Variants in ADAMTSL1 observed in about 807,000 individuals in gnomAD.
ADAMTSL1 encodes ADAMTS like 1.
A neutral mutation model predicts 201.8 loss-of-function variants in ADAMTSL1; 126 were observed. The observed-to-expected ratio is 0.62, with a 90% confidence interval of 0.54 to 0.72. ADAMTSL1 has a LOEUF of 0.72. Among genes scored for constraint, ADAMTSL1 ranks in the 30% least tolerant of loss-of-function variants. The probability of loss-of-function intolerance (pLI) is 0.00; values close to 1 mark genes in which losing one functional copy is unlikely to be tolerated. For missense variants in ADAMTSL1, 2,679 were observed against 2,277.8 expected, an observed-to-expected ratio of 1.18 and a Z score of -3.59; for synonymous variants, 1,121 against 903.4, an observed-to-expected ratio of 1.24 and a Z score of -4.32.
chr9:18,341,627 A>G (rs937593188), intron 2 of ADAMTSL1, among the ~76,000 whole-genome samples: 2 of 152,160 alleles, frequency 1.3e-5, no homozygotes, highest in Non-Finnish European at 2.9e-5. Flanking sequence ...AGTATTTAAT[A>G]AGTATTTAGT....
chr9:18,042,495 A>G (rs181270849), intron 1 of ADAMTSL1, among the ~76,000 whole-genome samples: 18 of 152,256 alleles, frequency 1.2e-4, no homozygotes, highest in Non-Finnish European at 1.9e-4. Context: ...TGAGAAGTCA[A>G]GTAACTTGTC....
intron 2 of ADAMTSL1, among the ~76,000 whole-genome samples, chr9:18,178,211 T>C (rs1052179063): frequency 5.9e-5 from 9 of 152,160 alleles, no homozygotes; most frequent in East Asian, 3.9e-4. Context: ...TTGCCTCACT[T>C]GGGAAGCACA....
At chr9:18,837,418 G>C (rs961847497) in intron 23 of ADAMTSL1, among the ~76,000 whole-genome samples, 1 of 152,114 alleles carries the variant, frequency 6.6e-6, no homozygotes, top group African/African-American at 2.4e-5. Context: ...ATATACGTGG[G>C]TATATTTCTA....
At chr9:18,058,892 C>T (rs894561217) in intron 1 of ADAMTSL1, among the ~76,000 whole-genome samples, 2 of 152,188 alleles carry the variant, frequency 1.3e-5, no homozygotes, top group Non-Finnish European at 2.9e-5. Flanking sequence ...ACTGCTCTGC[C>T]AGTCCCACAT....
intron 19 of ADAMTSL1, among the ~76,000 whole-genome samples, chr9:18,783,053 C>G (rs756538057): frequency 6.6e-6 from 1 of 152,270 alleles, no homozygotes; most frequent in East Asian, 1.9e-4. Context: ...TTCACATGGG[C>G]TAACTTGTGG....
At chr9:18,167,802 A>G (rs553263433) in intron 2 of ADAMTSL1, among the ~76,000 whole-genome samples, 1 of 152,134 alleles carries the variant, frequency 6.6e-6, no homozygotes, top group East Asian at 1.9e-4. Context: ...AATTTGCTTA[A>G]TTATATTTCT....
At chr9:18,634,047 C>T (rs893521124) in intron 5 of ADAMTSL1, among the ~76,000 whole-genome samples, 3 of 152,104 alleles carry the variant, frequency 2.0e-5, no homozygotes, top group East Asian at 3.9e-4. Flanking sequence ...TATCTAGTCA[C>T]GACAATAGTA....
chr9:18,459,726 T>G (rs549875485), intron 2 of ADAMTSL1, among the ~76,000 whole-genome samples: 50 of 152,270 alleles, frequency 3.3e-4, no homozygotes, highest in Admixed American at 1.2e-3. Flanking sequence ...AGACTAAAGT[T>G]TGAGGAGTTA....
chr9:18,906,003 C>T, intron 27 of ADAMTSL1, 112 bp downstream of exon 27: 2 of 922,246 alleles, frequency 2.2e-6, no homozygotes, highest in Non-Finnish European at 3.2e-6. Context: ...CAAGCCCTGC[C>T]TGGGACTCCA....
chr9:18,460,459 G>T (rs1820768193), intron 2 of ADAMTSL1, among the ~76,000 whole-genome samples: 1 of 152,054 alleles, frequency 6.6e-6, no homozygotes, highest in Non-Finnish European at 1.5e-5. Context: ...GTAGATCCAG[G>T]TTTTATGGCT....
intron 13 of ADAMTSL1, among the ~76,000 whole-genome samples, chr9:18,693,809 T>C (rs1254272122): frequency 6.6e-6 from 1 of 152,218 alleles, no homozygotes; most frequent in Non-Finnish European, 1.5e-5. Context: ...CAAAGACTGG[T>C]AGCTGTTCTA....
chr9:18,078,237 A>G (rs1823319327), intron 1 of ADAMTSL1, among the ~76,000 whole-genome samples: 1 of 152,078 alleles, frequency 6.6e-6, no homozygotes, highest in Non-Finnish European at 1.5e-5. Context: ...TTTTTCTCCC[A>G]TTGTGCCTTT....
At chr9:18,794,510 C>T (rs16937086) in intron 19 of ADAMTSL1, among the ~76,000 whole-genome samples, 39,259 of 151,896 alleles carry the variant, frequency 0.26, 5,226 homozygotes, top group African/African-American at 0.32. Flanking sequence ...GACTACACAG[C>T]GGCTGTGACA....
At chr9:18,729,116 T>C (rs1419394440) in intron 15 of ADAMTSL1, among the ~76,000 whole-genome samples, 1 of 152,180 alleles carries the variant, frequency 6.6e-6, no homozygotes, top group Non-Finnish European at 1.5e-5. Context: ...TGATTGCTCC[T>C]ATGATCAACC....
At chr9:18,199,483 T>G (rs1296275366) in intron 2 of ADAMTSL1, among the ~76,000 whole-genome samples, 1 of 152,056 alleles carries the variant, frequency 6.6e-6, no homozygotes, top group Non-Finnish European at 1.5e-5. Flanking sequence ...ACAAGTAATA[T>G]AGGGCAATGA....
chr9:18,117,727 T>C (rs986450471), intron 1 of ADAMTSL1, among the ~76,000 whole-genome samples: 2 of 152,208 alleles, frequency 1.3e-5, no homozygotes, highest in African/African-American at 4.8e-5. Flanking sequence ...TCTTTGTTTT[T>C]CTCAATGAAA....
chr9:17,963,938 A>G lies in ADAMTSL1; in HGVS notation c.87+57016A>G, dbSNP rs79443002. On this transcript the variant is annotated intron_variant, in intron 1 of 29. Coordinates refer to the ADAMTSL1 transcript ENST00000680146. The stretch of plus-strand genomic sequence containing the variant: ...TTTCCAATTCTCCTCAATTATATTT[A>G]GCTGTGCCTTTAACATGCTCATAGA... Among the ~76,000 whole-genome samples the G allele has an allele frequency of 2.3e-3, 357 of 152,246 alleles. 4 individuals are homozygous for G. The highest frequency in any genetic ancestry group is 8.0e-3 in the African/African-American group (333 of 41,558).
intron 2 of ADAMTSL1, among the ~76,000 whole-genome samples, chr9:18,448,010 G>A (rs781251421): frequency 1.3e-5 from 2 of 151,946 alleles, no homozygotes; most frequent in Non-Finnish European, 2.9e-5. Flanking sequence ...ATTTGTGTGC[G>A]TGCTCGCTCT....
At chr9:18,083,128 G>A (rs1823585796) in intron 1 of ADAMTSL1, among the ~76,000 whole-genome samples, 1 of 152,194 alleles carries the variant, frequency 6.6e-6, no homozygotes, top group Admixed American at 6.5e-5. Flanking sequence ...TTTATTTTGA[G>A]GATGTGGGGC....
Sources: allele counts gnomAD v4.1 joint callset (sites outside exome capture counted in the v4.1 genomes callset), GRCh38; gene constraint gnomAD v4.1.1; transcripts MANE v1.5; gene names NCBI Gene and HGNC (gene_info 2026-07-23, HGNC 2026-07-21).